BAZ2B: variants seen among roughly 807,000 people sequenced by gnomAD.
BAZ2B encodes the protein bromodomain adjacent to zinc finger domain 2B.
Under a neutral mutation model 246.0 loss-of-function variants are expected in BAZ2B, and 91 were observed. The ratio of observed to expected loss-of-function variants is 0.37; its 90% CI spans 0.31 to 0.44. The LOEUF (loss-of-function observed/expected upper bound fraction) is 0.44, where lower values mean the gene tolerates loss of function less well. Ranked by LOEUF, BAZ2B falls within the 20% of genes least tolerant of loss-of-function variation. The pLI, the probability that BAZ2B is intolerant of heterozygous loss-of-function variation, is 1.00. For missense variants in BAZ2B, 2,332 were observed against 2,533.7 expected, an observed-to-expected ratio of 0.92 and a Z score of 1.71; for synonymous variants, 855 against 860.0, an observed-to-expected ratio of 0.99 and a Z score of 0.10.
chr2:159,522,301 A>G (rs557664614), intron 2 of BAZ2B, among the ~76,000 whole-genome samples: 1 of 152,270 alleles, frequency 6.6e-6, no homozygotes, highest in Admixed American at 6.5e-5. Context: ...ATATTTAACT[A>G]AAGAGCTATC....
intron 27 of BAZ2B, among the ~76,000 whole-genome samples, chr2:159,352,932 G>A (rs1559074574): frequency 1.3e-5 from 2 of 152,154 alleles, no homozygotes; most frequent in Non-Finnish European, 2.9e-5. Flanking sequence ...TTGAGCCCAG[G>A]AGTTTGAGTC....
At chr2:159,689,097 G>T in the BAZ2B span, 5 of 251,900 alleles carry the variant, frequency 2.0e-5, no homozygotes, top group South Asian at 8.6e-5. Flanking sequence ...AATGATTTTT[G>T]CCTGAAACAA....
the BAZ2B span, among the ~76,000 whole-genome samples, chr2:159,673,372 G>A: frequency 2.0e-5 from 3 of 152,142 alleles, no homozygotes; most frequent in Admixed American, 2.0e-4. Flanking sequence ...TGTTGGTGAG[G>A]CTGTGAGGAA....
At chr2:159,679,127 C>A in the BAZ2B span, among the ~76,000 whole-genome samples, 1 of 151,948 alleles carries the variant, frequency 6.6e-6, no homozygotes, top group Admixed American at 6.6e-5. Context: ...AAAAAATTAG[C>A]CTGCTGTGGT....
chr2:159,493,486 A>C (rs977316166), intron 2 of BAZ2B, among the ~76,000 whole-genome samples: 1 of 152,204 alleles, frequency 6.6e-6, no homozygotes, highest in African/African-American at 2.4e-5. Context: ...CTACCTTATT[A>C]AAGTTTTCTT....
At chr2:159,424,285 T>C (rs919829902) in intron 13 of BAZ2B, among the ~76,000 whole-genome samples, 4 of 152,164 alleles carry the variant, frequency 2.6e-5, no homozygotes, top group African/African-American at 9.7e-5. Context: ...GGTTGCTGTA[T>C]AGACTTTGGG....
chr2:159,428,495 T>C, intron 11 of BAZ2B, 76 bp from the exon 12 acceptor site: 1 of 1,117,598 alleles, frequency 8.9e-7, no homozygotes, highest in Non-Finnish European at 1.3e-6. Context: ...TAAGTTAAAG[T>C]ATACATGTTC....
intron 3 of BAZ2B, among the ~76,000 whole-genome samples, chr2:159,470,764 G>T (rs1478276556): frequency 6.6e-6 from 1 of 152,112 alleles, no homozygotes; most frequent in Non-Finnish European, 1.5e-5. Flanking sequence ...GGATGATTGT[G>T]GTATCATTTA....
the BAZ2B span, among the ~76,000 whole-genome samples, chr2:159,683,073 T>C: frequency 6.6e-6 from 1 of 152,152 alleles, no homozygotes; most frequent in Non-Finnish European, 1.5e-5. Context: ...TATGTACTTG[T>C]ATAGAGTTGC....
At chr2:159,688,869 T>A in the BAZ2B span, among the ~76,000 whole-genome samples, 1 of 152,252 alleles carries the variant, frequency 6.6e-6, no homozygotes, top group Non-Finnish European at 1.5e-5. Flanking sequence ...GCAGAAGCGA[T>A]GTGCTCTTGT....
the BAZ2B span, among the ~76,000 whole-genome samples, chr2:159,663,855 C>CTTTTT: frequency 5.5e-4 from 51 of 92,478 alleles, no homozygotes; most frequent in East Asian, 3.7e-3. Context: ...AAACCATTTT[C>CTTTTT]TTTTTTTTTT....
intron 3 of BAZ2B, among the ~76,000 whole-genome samples, chr2:159,469,003 A>C: frequency 6.7e-6 from 1 of 148,522 alleles, no homozygotes; most frequent in South Asian, 2.2e-4. Flanking sequence ...GTGAGCTGAG[A>C]TTGAGCCATT....
intron 25 of BAZ2B, among the ~76,000 whole-genome samples, chr2:159,381,970 T>C (rs1245095113): frequency 1.3e-5 from 2 of 152,206 alleles, no homozygotes. Context: ...TGGGAGTTTA[T>C]TACTCAGAAA....
intron 8 of BAZ2B, among the ~76,000 whole-genome samples, chr2:159,437,154 CT>C (rs1209404549): frequency 2.6e-5 from 4 of 152,094 alleles, no homozygotes; most frequent in Non-Finnish European, 5.9e-5. Context: ...ATTAAGTCGC[CT>C]AAAGATAATA....
At chr2:159,336,883 G>T in intron 33 of BAZ2B, 59 bp downstream of exon 33, 1 of 1,386,780 alleles carries the variant, frequency 7.2e-7, no homozygotes, top group Non-Finnish European at 9.9e-7. Context: ...AGATCTGGAG[G>T]TTGGAAGAAA....
chr2:159,551,279 C>G lies in BAZ2B; in HGVS notation c.-3+4544G>C, dbSNP rs1353999347. Reference sequence around the variant, plus strand: ...AGTCAGGAGATCAAAACCATCCTGGCTAACATGGTGAAACCCCGTCTCTAC... The same window carrying G: ...AGTCAGGAGATCAAAACCATCCTGGGTAACATGGTGAAACCCCGTCTCTAC... On this transcript the variant is annotated intron_variant, in intron 2 of 36. Coordinates refer to ENST00000392783, the MANE Select transcript of BAZ2B (RefSeq NM_013450.4). 2.0e-5 allele frequency among the ~76,000 whole-genome samples: 3 copies of G among 151,996 alleles called. No homozygotes were observed. In the East Asian group the frequency reaches 5.8e-4, roughly 29 times the overall value.
At chr2:159,440,379 G>C (rs571325752) in intron 6 of BAZ2B, among the ~76,000 whole-genome samples, 1 of 152,238 alleles carries the variant, frequency 6.6e-6, no homozygotes, top group East Asian at 1.9e-4. Context: ...CTCCACAACA[G>C]AGAGCCAAAT....
intron 2 of BAZ2B, among the ~76,000 whole-genome samples, chr2:159,519,376 C>T (rs1232796932): frequency 6.8e-6 from 1 of 147,856 alleles, no homozygotes. Flanking sequence ...ACTACAGGCG[C>T]CCGCCACCGC....
At chr2:159,690,514 C>CAT in the BAZ2B span, among the ~76,000 whole-genome samples, 1,172 of 152,104 alleles carry the variant, frequency 7.7e-3, 6 homozygotes, top group African/African-American at 0.014. Flanking sequence ...GTTATTGATA[C>CAT]ATATATATAT....
Sources: allele counts gnomAD v4.1 joint callset (sites outside exome capture counted in the v4.1 genomes callset), GRCh38; gene constraint gnomAD v4.1.1; transcripts MANE v1.5; gene names NCBI Gene and HGNC (gene_info 2026-07-23, HGNC 2026-07-21).